Variants in TTK observed in about 807,000 individuals in gnomAD.
TTK encodes dual specificity protein kinase TTK.
TTK carries 59 observed loss-of-function variants against 117.3 expected under a neutral mutation model. That is an observed-to-expected ratio of 0.50 (90% CI 0.41 to 0.62). The LOEUF is 0.62. TTK is among the 20% of genes least tolerant of loss of function. The pLI is 0.00. For missense variants in TTK, 921 were observed against 989.4 expected (o/e 0.93, Z 0.93); for synonymous variants, 302 against 325.0 (o/e 0.93, Z 0.76).
At chr6:80,023,036 C>G (rs536708876) in intron 11 of TTK, among the ~76,000 whole-genome samples, 2 of 152,250 alleles carry the variant, frequency 1.3e-5, no homozygotes, top group African/African-American at 4.8e-5. Context: ...TTCCTGGTGG[C>G]TTTTCGGAAG....
chr6:80,011,494 G>A lies in TTK; in HGVS notation c.674G>A (p.Arg225Lys), dbSNP rs377726791. 4 of 1,610,024 alleles carry A rather than the reference G, an allele frequency of 2.5e-6. No individual in the cohort carries two copies. The highest frequency in any genetic ancestry group is 2.5e-6 in the Non-Finnish European group (3 of 1,178,388). ...FSGSLGHLQN[R>K]NNSCDSRGQT... Reference sequence around the variant, plus strand: ...GGTTCACTTGGGCATTTACAGAATAGGAACAACAGTTGTGATTCCAGAGGA... The same window carrying A: ...GGTTCACTTGGGCATTTACAGAATAAGAACAACAGTTGTGATTCCAGAGGA... Residue 225 changes from arginine (R) to lysine (K), a missense_variant, in exon 6 of 22, where the codon AGG becomes AAG. Arg to Lys is a conservative substitution (Grantham distance 26). Coordinates refer to ENST00000369798, the MANE Select transcript of TTK (RefSeq NM_003318.5).
chr6:80,026,276 CAT>C (rs1767601609), intron 11 of TTK, 100 bp from the exon 12 acceptor site: 2 of 1,223,400 alleles, frequency 1.6e-6, no homozygotes, highest in African/African-American at 1.5e-5. Context: ...CTTTGTATAT[CAT>C]ATGTTATTAT....
At chr6:80,035,544 G>T in intron 16 of TTK, 127 bp downstream of exon 16, 1 of 991,434 alleles carries the variant, frequency 1.0e-6, no homozygotes, top group Non-Finnish European at 1.4e-6. Context: ...TAAATAATTA[G>T]AAGTTTATTT....
At chr6:80,032,642 A>G (rs926357539) in intron 14 of TTK, among the ~76,000 whole-genome samples, 1 of 151,180 alleles carries the variant, frequency 6.6e-6, no homozygotes. Context: ...GATTGAACAA[A>G]AAATTGGTGC....
chr6:80,011,574 A>T (rs778429365), intron 6 of TTK, 26 bp downstream of exon 6: 1 of 1,580,280 alleles, frequency 6.3e-7, no homozygotes, highest in Non-Finnish European at 8.6e-7. Context: ...CAGTTTTTAA[A>T]TGTTCATCTT....
chr6:80,023,260 G>T (rs1325918764), intron 11 of TTK, among the ~76,000 whole-genome samples: 1 of 152,162 alleles, frequency 6.6e-6, no homozygotes, highest in Non-Finnish European at 1.5e-5. Context: ...ATATTAGGAA[G>T]TAAAGCCAAG....
At chr6:80,026,242 ATATGCCTATCTCTTTTAG>A in intron 11 of TTK, 118 bp from the exon 12 acceptor site, 1 of 872,634 alleles carries the variant, frequency 1.1e-6, no homozygotes, top group Non-Finnish European at 1.7e-6. Context: ...AAATGTATAT[ATATGCCTATCTCTTTTAG>A]TATGCCTTTG....
chr6:80,028,140 C>T (rs942280954), intron 13 of TTK, 129 bp downstream of exon 13: 2 of 1,008,454 alleles, frequency 2.0e-6, no homozygotes, highest in Admixed American at 6.6e-5. Context: ...CTAGACAAAA[C>T]TTTTCTGATA....
At position 80,007,949 on chromosome 6, in the gene TTK, G is replaced by A; in HGVS notation, c.280G>A (p.Ala94Thr). The change falls in exon 3 of 22, where the codon GCA (alanine) becomes ACA (threonine). Residue 94 changes from alanine (A) to threonine (T), a missense_variant. Ala to Thr is a moderately conservative substitution (Grantham distance 58, BLOSUM62 0). Transcript: ENST00000369798. ...LNKLIGRYSQ[A>T]IEALPPDKYG... ...TAAATTGATTGGTCGTTACAGTCAAGCAATTGAAGCGCTTCCCCCAGATAA... is the reference window on the plus strand; with the variant it reads ...TAAATTGATTGGTCGTTACAGTCAAACAATTGAAGCGCTTCCCCCAGATAA... The A allele has an allele frequency of 6.2e-7, 1 of 1,613,630 alleles. No individual in the cohort carries two copies. The highest frequency in any genetic ancestry group is 8.5e-7 in the Non-Finnish European group (1 of 1,179,674).
rs1767024606 is a variant in TTK at position 80,007,538 on chromosome 6, G to A, written c.140-271G>A. 1.3e-5 allele frequency among the ~76,000 whole-genome samples: 2 copies of A among 151,788 alleles called. 1 individual carries two copies. The highest frequency in any genetic ancestry group is 4.2e-4 in the South Asian group (2 of 4,804). ...CTTAAACTACATACAATTTTTAAAG[G>A]CTACTTACAAAAAAACTCACTTATT... On this transcript the variant is annotated intron_variant, in intron 2 of 21. Coordinates refer to ENST00000369798, the MANE Select transcript of TTK (RefSeq NM_003318.5).
chr6:80,037,882 TAATAATA>T, intron 17 of TTK, 78 bp from the exon 18 acceptor site: 1 of 559,540 alleles, frequency 1.8e-6, no homozygotes, highest in South Asian at 4.2e-5. Context: ...ATAATAATAA[TAATAATA>T]ATAATAATCT....
Position 80,031,559 on chromosome 6 carries a change from G to C in TTK, c.1614G>C (p.Lys538Asn), listed in dbSNP as rs183642720. ...AGATAGGAAGTGGAGGTTCAAGCAAGGTAAGTATCTTAAAATATTTACGAA... is the reference window on the plus strand; with the variant it reads ...AGATAGGAAGTGGAGGTTCAAGCAACGTAAGTATCTTAAAATATTTACGAA... ...LKQIGSGGSS[K>N]VFQVLNEKKQ... Residue 538 changes from lysine (K) to asparagine (N), a missense_variant and splice_region_variant, in exon 14 of 22, where the codon AAG (lysine) becomes AAC (asparagine). Physicochemically the swap from Lys to Asn is moderately conservative, Grantham distance 94 (BLOSUM62 0). Transcript: ENST00000369798. 4.0e-6 allele frequency: 6 copies of C among 1,493,442 alleles called. No individual in the cohort carries two copies. In the Admixed American group the frequency reaches 1.3e-4, roughly 31 times the overall value. 92.5% of individuals were successfully genotyped at this position (1,493,442 alleles called of 1,614,324 possible).
chr6:80,039,485 A>T (rs897697433), intron 18 of TTK, among the ~76,000 whole-genome samples: 65 of 151,920 alleles, frequency 4.3e-4, no homozygotes, highest in African/African-American at 1.4e-3. Flanking sequence ...TTATGAGGTT[A>T]TAGAAAGATT....
intron 3 of TTK, 65 bp downstream of exon 3, chr6:80,008,096 A>C (rs1767044760): frequency 4.0e-6 from 6 of 1,511,520 alleles, no homozygotes; most frequent in Non-Finnish European, 4.5e-6. Context: ...CTGCAAAGAG[A>C]GAAAATAAAA....
chr6:80,011,373 T>G (rs2127716327), intron 5 of TTK, 61 bp from the exon 6 acceptor site: 1 of 1,149,406 alleles, frequency 8.7e-7, no homozygotes, highest in Non-Finnish European at 1.2e-6. Flanking sequence ...ATTTGTAAGA[T>G]CACTTTTTTG....
chr6:80,015,433 A>AT (rs1332326756), intron 10 of TTK, among the ~76,000 whole-genome samples: 1 of 152,188 alleles, frequency 6.6e-6, no homozygotes. Context: ...AGGTTGCCAG[A>AT]TTGGATGTAT....
intron 20 of TTK, 91 bp from the exon 21 acceptor site, chr6:80,040,515 A>G (rs1768019800): frequency 8.9e-7 from 1 of 1,124,546 alleles, no homozygotes; most frequent in Non-Finnish European, 1.3e-6. Context: ...AATTATAAGA[A>G]TATCACTTTG....
rs578080846 is a variant in TTK, at chr6:80,017,638, T to C, written c.1108+3052T>C. On this transcript the variant is annotated intron_variant, in intron 10 of 21. Transcript: ENST00000369798. ...ATCTGTCAGTGTAAATTTTTCAACT[T>C]TGTTGAAAATTCACGACTATTTTGG... Among the ~76,000 whole-genome samples, 234 of 152,280 alleles carry C rather than the reference T, an allele frequency of 1.5e-3. 1 individual carries two copies. The highest frequency in any genetic ancestry group is 2.7e-3 in the Non-Finnish European group (185 of 68,020).
chr6:80,011,642 C>A, intron 6 of TTK, 87 bp from the exon 7 acceptor site: 3 of 1,542,762 alleles, frequency 1.9e-6, no homozygotes, highest in South Asian at 2.3e-5. Flanking sequence ...TATATGTTTT[C>A]ATGTGTGTGA....
Sources: gnomAD v4.1 joint callset for allele counts (sites outside exome capture counted in the v4.1 genomes callset) on GRCh38, gnomAD v4.1.1 for gene constraint, MANE v1.5 for transcripts, NCBI Gene and HGNC (gene_info 2026-07-23, HGNC 2026-07-21) for gene names.